Variants in HELZ observed in about 807,000 individuals in gnomAD.
HELZ encodes the protein helicase with zinc finger.
In HELZ, 23 loss-of-function variants were observed where a neutral mutation model predicts 218.2. The ratio of observed to expected loss-of-function variants is 0.11; its 90% CI spans 0.08 to 0.15. HELZ has a LOEUF of 0.15. Among genes scored for constraint, HELZ ranks in the 10% least tolerant of loss-of-function variants. The pLI, the probability that HELZ is intolerant of heterozygous loss-of-function variation, is 1.00. For synonymous variants in HELZ, 814 were observed against 829.4 expected (o/e 0.98, Z 0.32); for missense variants, 1,813 against 2,353.7 (o/e 0.77, Z 4.75).
intron 32 of HELZ, among the ~76,000 whole-genome samples, chr17:67,081,907 G>A (rs7213479): frequency 3.4e-5 from 1 of 29,516 alleles, no homozygotes; most frequent in Non-Finnish European, 7.1e-5. Context: ...AGAGCAGAGT[G>A]ATCAGAAGAC....
intron 5 of HELZ, among the ~76,000 whole-genome samples, chr17:67,210,358 T>C (rs914303350): frequency 4.6e-5 from 7 of 152,110 alleles, no homozygotes; most frequent in African/African-American, 1.4e-4. Flanking sequence ...TTAACAGGGG[T>C]TGCTGATTAC....
chr17:67,241,359 G>A (rs1276656227), intron 2 of HELZ, among the ~76,000 whole-genome samples: 2 of 152,154 alleles, frequency 1.3e-5, no homozygotes, highest in Non-Finnish European at 2.9e-5. Context: ...TATGGGGCCT[G>A]TATTTGGATC....
chr17:67,127,383 T>C (rs1244416360), intron 24 of HELZ, among the ~76,000 whole-genome samples: 1 of 152,222 alleles, frequency 6.6e-6, no homozygotes, highest in Admixed American at 6.5e-5. Flanking sequence ...GTACAATGTG[T>C]GATACCCTAA....
At chr17:67,172,778 G>A (rs951257758) in intron 13 of HELZ, among the ~76,000 whole-genome samples, 2 of 152,002 alleles carry the variant, frequency 1.3e-5, no homozygotes, top group African/African-American at 4.8e-5. Flanking sequence ...GCTAATTTTT[G>A]TATTTTTTGT....
At chr17:67,233,349 T>A (rs2041088641) in intron 3 of HELZ, among the ~76,000 whole-genome samples, 1 of 152,116 alleles carries the variant, frequency 6.6e-6, no homozygotes, top group Non-Finnish European at 1.5e-5. Context: ...CAAGACCCTG[T>A]CTCAAAAAAT....
chr17:67,117,409 T>C (rs1235455790), intron 27 of HELZ, among the ~76,000 whole-genome samples: 1 of 152,180 alleles, frequency 6.6e-6, no homozygotes. Flanking sequence ...TTAGGAAGCA[T>C]ACTGAACTAA....
chr17:67,177,643 T>G (rs533007820), intron 13 of HELZ, among the ~76,000 whole-genome samples: 1 of 142,564 alleles, frequency 7.0e-6, no homozygotes, highest in Non-Finnish European at 1.5e-5. Context: ...CAGACACAAT[T>G]GATAAAAAAA....
intron 2 of HELZ, among the ~76,000 whole-genome samples, chr17:67,241,078 T>A (rs2041303428): frequency 6.6e-6 from 1 of 152,196 alleles, no homozygotes; most frequent in African/African-American, 2.4e-5. Context: ...GAAGTAACCC[T>A]GACTGCACTC....
intron 24 of HELZ, among the ~76,000 whole-genome samples, chr17:67,125,767 A>T (rs575971083): frequency 2.2e-4 from 34 of 152,214 alleles, no homozygotes; most frequent in Non-Finnish European, 4.1e-4. Context: ...AATTTAAAAC[A>T]GGGAGATTAT....
At chr17:67,228,685 C>G (rs117320312) in intron 3 of HELZ, among the ~76,000 whole-genome samples, 90 of 150,180 alleles carry the variant, frequency 6.0e-4, no homozygotes, top group African/African-American at 2.0e-3. Context: ...TTTATTGTGA[C>G]GAAAGAAAAG....
At chr17:67,102,727 A>G (rs1310032417) in intron 31 of HELZ, among the ~76,000 whole-genome samples, 3 of 152,248 alleles carry the variant, frequency 2.0e-5, no homozygotes, top group African/African-American at 7.2e-5. Context: ...GAAAATCTGC[A>G]ATGTGCTAAA....
At chr17:67,171,593 T>A (rs766786989) in intron 13 of HELZ, among the ~76,000 whole-genome samples, 13 of 152,174 alleles carry the variant, frequency 8.5e-5, no homozygotes, top group Non-Finnish European at 1.5e-4. Flanking sequence ...TAACATGACT[T>A]CTTGTCTCAA....
chr17:67,151,485 A>G (rs954137455), intron 17 of HELZ, among the ~76,000 whole-genome samples: 1 of 152,228 alleles, frequency 6.6e-6, no homozygotes, highest in African/African-American at 2.4e-5. Flanking sequence ...TTAAGTGTTC[A>G]GAGTAATCTT....
At chr17:67,133,807 G>A (rs950959410) in intron 23 of HELZ, among the ~76,000 whole-genome samples, 5 of 152,136 alleles carry the variant, frequency 3.3e-5, no homozygotes, top group Admixed American at 6.5e-5. Context: ...GAGCCACTGC[G>A]CCTGGCCGGA....
chr17:67,241,641 T>C (rs575240379), intron 2 of HELZ, among the ~76,000 whole-genome samples: 2 of 152,346 alleles, frequency 1.3e-5, no homozygotes, highest in South Asian at 4.1e-4. Flanking sequence ...TTTAAGACAA[T>C]GCATTTTAAT....
At chr17:67,138,761 G>T (rs1373945221) in intron 21 of HELZ, among the ~76,000 whole-genome samples, 1 of 152,200 alleles carries the variant, frequency 6.6e-6, no homozygotes, top group Non-Finnish European at 1.5e-5. Context: ...CAATGCCACA[G>T]TTTATGCAAC....
chr17:67,203,570 G>C, intron 5 of HELZ, 127 bp from the exon 6 acceptor site: 3 of 1,037,628 alleles, frequency 2.9e-6, no homozygotes, highest in Non-Finnish European at 4.2e-6. Context: ...AAATACTCTA[G>C]AGGGAAGCAG....
intron 27 of HELZ, among the ~76,000 whole-genome samples, chr17:67,116,769 CCCT>C (rs2037439957): frequency 6.6e-6 from 1 of 151,980 alleles, no homozygotes; most frequent in South Asian, 2.1e-4. Context: ...ATTTCAATAC[CCCT>C]CCTCAGTAAT....
intron 14 of HELZ, 137 bp downstream of exon 14, chr17:67,167,326 T>C: frequency 1.6e-6 from 1 of 612,214 alleles, no homozygotes; most frequent in Non-Finnish European, 2.9e-6. Flanking sequence ...ACAGGTGCAA[T>C]TTTCAACCCA....
Sources: allele counts gnomAD v4.1 joint callset (sites outside exome capture counted in the v4.1 genomes callset), GRCh38; gene constraint gnomAD v4.1.1; transcripts MANE v1.5; gene names NCBI Gene and HGNC (gene_info 2026-07-23, HGNC 2026-07-21).